Variants in NCAM2 observed in about 807,000 individuals in gnomAD.
NCAM2 encodes neural cell adhesion molecule 2.
A neutral mutation model predicts 98.1 loss-of-function variants in NCAM2; 30 were observed. That is an observed-to-expected ratio of 0.31 (90% confidence interval 0.23 to 0.41). The LOEUF is 0.41. NCAM2 is among the 10% of genes least tolerant of loss of function. The pLI is 1.00. For missense variants in NCAM2, 867 were observed against 1,005.8 expected, an observed-to-expected ratio of 0.86 and a Z score of 1.87; for synonymous variants, 368 against 342.4, an observed-to-expected ratio of 1.07 and a Z score of -0.83.
At chr21:21,156,133 T>A (rs1413783812) in intron 1 of NCAM2, among the ~76,000 whole-genome samples, 6 of 152,034 alleles carry the variant, frequency 3.9e-5, no homozygotes, top group Non-Finnish European at 5.9e-5. Flanking sequence ...TCTAAGGCAC[T>A]CATATACAAG....
chr21:21,126,236 T>TAAAAAA (rs778070776), intron 1 of NCAM2, among the ~76,000 whole-genome samples: 7,784 of 97,388 alleles, frequency 0.08, 852 homozygotes, highest in African/African-American at 0.16. Flanking sequence ...TCATGGAACA[T>TAAAAAA]AAAAAAAAAA....
At chr21:21,480,244 G>A (rs1985726928) in intron 15 of NCAM2, among the ~76,000 whole-genome samples, 1 of 151,632 alleles carries the variant, frequency 6.6e-6, no homozygotes, top group Non-Finnish European at 1.5e-5. Flanking sequence ...GCGGGCGCCT[G>A]TTGTCCCAGC....
intron 8 of NCAM2, among the ~76,000 whole-genome samples, chr21:21,345,044 G>T (rs980771158): frequency 6.6e-6 from 1 of 152,128 alleles, no homozygotes; most frequent in African/African-American, 2.4e-5. Flanking sequence ...ACCTCTATGA[G>T]TCTGCAAGAA....
intron 1 of NCAM2, among the ~76,000 whole-genome samples, chr21:21,249,521 T>C (rs991468256): frequency 1.3e-5 from 2 of 152,162 alleles, no homozygotes; most frequent in African/African-American, 4.8e-5. Context: ...ATTTCTGAAA[T>C]TTGGATGTGT....
intron 9 of NCAM2, among the ~76,000 whole-genome samples, chr21:21,386,172 T>C (rs1193384230): frequency 6.6e-6 from 1 of 152,174 alleles, no homozygotes; most frequent in Non-Finnish European, 1.5e-5. Context: ...ACAGTGGATG[T>C]ACATTCTCTA....
chr21:21,285,429 A>T (rs561637853), intron 3 of NCAM2, among the ~76,000 whole-genome samples: 1 of 151,828 alleles, frequency 6.6e-6, no homozygotes, highest in Non-Finnish European at 1.5e-5. Context: ...CTCCCATTTG[A>T]TTCTGAGCTT....
chr21:21,465,555 A>G (rs975654129), intron 12 of NCAM2, among the ~76,000 whole-genome samples: 1 of 35,810 alleles, frequency 2.8e-5, no homozygotes, highest in Non-Finnish European at 7.4e-5. Context: ...AAATTATAAT[A>G]TAATCATTAG....
intron 1 of NCAM2, among the ~76,000 whole-genome samples, chr21:21,025,859 A>G (rs1040793421): frequency 2.0e-5 from 3 of 152,224 alleles, no homozygotes; most frequent in African/African-American, 7.2e-5. Flanking sequence ...AAGTATACCC[A>G]CAAGTATATG....
intron 16 of NCAM2, among the ~76,000 whole-genome samples, chr21:21,526,983 A>G (rs1989359232): frequency 6.6e-6 from 1 of 152,220 alleles, no homozygotes; most frequent in African/African-American, 2.4e-5. Context: ...TCAAAATGTA[A>G]TATTGACCTA....
intron 1 of NCAM2, among the ~76,000 whole-genome samples, chr21:21,059,280 G>T (rs1389542753): frequency 1.3e-5 from 2 of 152,068 alleles, no homozygotes; most frequent in East Asian, 3.9e-4. Context: ...ATCCAGAAGA[G>T]AATTTTAAAA....
chr21:21,072,846 T>C (rs2065600831), intron 1 of NCAM2, among the ~76,000 whole-genome samples: 2 of 152,192 alleles, frequency 1.3e-5, no homozygotes, highest in South Asian at 4.1e-4. Flanking sequence ...ATTTATCCTT[T>C]AGGCATTTTG....
Position 21,081,959 on chromosome 21 carries a change from C to T in NCAM2, c.55+83341C>T, listed in dbSNP as rs529769447. Reference sequence around the variant, plus strand: ...TTCTAATTTAAAAAAAGTTTTGGGCCGGGCGCGGTGGCTCACGGCTGTAAT... The same window carrying T: ...TTCTAATTTAAAAAAAGTTTTGGGCTGGGCGCGGTGGCTCACGGCTGTAAT... On this transcript the variant is annotated intron_variant, in intron 1 of 17. Coordinates refer to ENST00000400546, the MANE Select transcript of NCAM2 (RefSeq NM_004540.5). Among the ~76,000 whole-genome samples the T allele has an allele frequency of 4.0e-5, 6 of 150,656 alleles. No individual in the cohort carries two copies. In the East Asian group the frequency reaches 6.1e-4, roughly 15 times the overall value.
At chr21:21,511,265 C>T (rs905841945) in intron 16 of NCAM2, among the ~76,000 whole-genome samples, 1 of 151,832 alleles carries the variant, frequency 6.6e-6, no homozygotes, top group South Asian at 2.1e-4. Context: ...CCTACTTAAT[C>T]CCCCATTCCC....
chr21:21,529,148 T>A (rs2146410726), intron 16 of NCAM2, among the ~76,000 whole-genome samples: 1 of 152,198 alleles, frequency 6.6e-6, no homozygotes, highest in South Asian at 2.1e-4. Flanking sequence ...TCCCCCCTTA[T>A]GAAAGTATCA....
intron 1 of NCAM2, among the ~76,000 whole-genome samples, chr21:21,028,578 A>G (rs1243311284): frequency 2.0e-5 from 3 of 152,208 alleles, no homozygotes; most frequent in African/African-American, 7.2e-5. Context: ...TGCAGCCTGC[A>G]TATAATCAGG....
At chr21:21,150,006 G>A (rs1024500943) in intron 1 of NCAM2, among the ~76,000 whole-genome samples, 3 of 152,030 alleles carry the variant, frequency 2.0e-5, no homozygotes, top group Non-Finnish European at 4.4e-5. Context: ...TTTCCACAAC[G>A]GTTGAACTAA....
intron 9 of NCAM2, among the ~76,000 whole-genome samples, chr21:21,387,543 T>C (rs796328791): frequency 1.3e-5 from 2 of 152,286 alleles, no homozygotes; most frequent in African/African-American, 2.4e-5. Context: ...GTGAAGTCTG[T>C]AACAGCTCAG....
chr21:21,433,140 C>A lies in NCAM2; in HGVS notation c.1654+859C>A, dbSNP rs76716737. Among the ~76,000 whole-genome samples, 93 of 152,286 alleles carry A rather than the reference C, an allele frequency of 6.1e-4. 1 individual carries two copies. Among genetic ancestry groups the A allele is most frequent in the African/African-American group, 2.1e-3 (86 of 41,554 alleles). Reference sequence around the variant, plus strand: ...CTCATCTGTGTTGACCCTACTTTATCAGTTTGCACTGAGCATAACTATGGG... The same window carrying A: ...CTCATCTGTGTTGACCCTACTTTATAAGTTTGCACTGAGCATAACTATGGG... On this transcript the variant is annotated intron_variant, in intron 12 of 17. Coordinates refer to ENST00000400546, the MANE Select transcript of NCAM2 (RefSeq NM_004540.5).
At chr21:21,117,932 G>T (rs2066596675) in intron 1 of NCAM2, among the ~76,000 whole-genome samples, 1 of 152,004 alleles carries the variant, frequency 6.6e-6, no homozygotes, top group Non-Finnish European at 1.5e-5. Flanking sequence ...ACTAATAAGT[G>T]GATTTATTAA....
Sources: allele counts gnomAD v4.1 joint callset (sites outside exome capture counted in the v4.1 genomes callset), GRCh38; gene constraint gnomAD v4.1.1; transcripts MANE v1.5; gene names NCBI Gene and HGNC (gene_info 2026-07-23, HGNC 2026-07-21).